SYT1: variants seen among roughly 807,000 people sequenced by gnomAD.
SYT1 encodes the protein synaptotagmin-1.
In SYT1, 8 loss-of-function variants were observed where a neutral mutation model predicts 44.8. The observed-to-expected ratio is 0.18, with a 90% confidence interval of 0.10 to 0.32. The LOEUF is 0.32. Ranked by LOEUF, SYT1 falls within the 10% of genes least tolerant of loss-of-function variation. The pLI, the probability that SYT1 is intolerant of heterozygous loss-of-function variation, is 1.00. For missense variants in SYT1, 286 were observed against 509.3 expected, an observed-to-expected ratio of 0.56 and a Z score of 4.22; for synonymous variants, 154 against 188.8, an observed-to-expected ratio of 0.82 and a Z score of 1.51.
chr12:78,920,869 CA>C (rs1436526414), intron 1 of SYT1, among the ~76,000 whole-genome samples: 1 of 151,764 alleles, frequency 6.6e-6, no homozygotes, highest in Non-Finnish European at 1.5e-5. Context: ...GACAGATTAG[CA>C]GGTTTGTTCA....
At chr12:79,091,991 A>T (rs1411887467) in intron 3 of SYT1, among the ~76,000 whole-genome samples, 1 of 151,988 alleles carries the variant, frequency 6.6e-6, no homozygotes, top group Non-Finnish European at 1.5e-5. Context: ...ATCTCAGATT[A>T]AACTTTTGAA....
chr12:79,260,953 A>G (rs1368145237), intron 4 of SYT1, among the ~76,000 whole-genome samples: 5 of 152,136 alleles, frequency 3.3e-5, no homozygotes, highest in Non-Finnish European at 7.4e-5. Context: ...TACCTGCAGA[A>G]ATCCTGCATG....
intron 2 of SYT1, among the ~76,000 whole-genome samples, chr12:78,994,651 T>C (rs1324298785): frequency 1.3e-5 from 2 of 149,352 alleles, no homozygotes; most frequent in African/African-American, 2.5e-5. Flanking sequence ...TTCTCCTGCC[T>C]CAGCCTCCTG....
intron 3 of SYT1, among the ~76,000 whole-genome samples, chr12:79,205,104 A>G (rs183044283): frequency 9.9e-5 from 15 of 151,822 alleles, no homozygotes; most frequent in African/African-American, 2.7e-4. Context: ...AGCTGGGACT[A>G]CAGGCGCCCA....
chr12:79,361,717 A>C (rs571651581), intron 9 of SYT1, among the ~76,000 whole-genome samples: 1 of 152,212 alleles, frequency 6.6e-6, no homozygotes, highest in Non-Finnish European at 1.5e-5. Flanking sequence ...TTAGTGACTT[A>C]TTCTTCACAC....
intron 1 of SYT1, among the ~76,000 whole-genome samples, chr12:78,947,908 T>G (rs1419804432): frequency 2.6e-5 from 4 of 151,928 alleles, no homozygotes; most frequent in Non-Finnish European, 5.9e-5. Flanking sequence ...TAATAAATAT[T>G]TTATTTTAAT....
chr12:79,328,890 G>GT (rs1435990969), intron 8 of SYT1, among the ~76,000 whole-genome samples: 1 of 151,308 alleles, frequency 6.6e-6, no homozygotes, highest in African/African-American at 2.4e-5. Flanking sequence ...ATAAAACCAT[G>GT]TTTTTTTCTT....
chr12:79,058,015 G>C (rs138738380), intron 3 of SYT1, among the ~76,000 whole-genome samples: 1 of 152,006 alleles, frequency 6.6e-6, no homozygotes, highest in East Asian at 1.9e-4. Flanking sequence ...AAAGAAATGG[G>C]TTTGGACAAT....
chr12:79,245,569 A>G (rs753157784), intron 4 of SYT1, among the ~76,000 whole-genome samples: 2 of 151,890 alleles, frequency 1.3e-5, no homozygotes, highest in Non-Finnish European at 2.9e-5. Flanking sequence ...AACAAGAAAA[A>G]TATAATGGCA....
At chr12:79,096,716 A>G (rs527825378) in intron 3 of SYT1, among the ~76,000 whole-genome samples, 2 of 152,144 alleles carry the variant, frequency 1.3e-5, no homozygotes, top group Middle Eastern at 6.8e-3. Context: ...AAGAATCATG[A>G]AAGATCAGGG....
At chr12:79,041,116 TG>T (rs1424838899) in intron 2 of SYT1, among the ~76,000 whole-genome samples, 4 of 152,132 alleles carry the variant, frequency 2.6e-5, no homozygotes, top group African/African-American at 7.2e-5. Context: ...GGCTCTTTTT[TG>T]GTTCCATATG....
chr12:78,867,612 C>T, intron 1 of SYT1, among the ~76,000 whole-genome samples: 1 of 151,952 alleles, frequency 6.6e-6, no homozygotes, highest in Middle Eastern at 3.4e-3. Context: ...GATAATTATG[C>T]CTCGAGGTAT....
intron 1 of SYT1, among the ~76,000 whole-genome samples, chr12:78,923,917 T>C (rs1462924): frequency 3.7e-4 from 57 of 152,082 alleles, no homozygotes; most frequent in African/African-American, 1.4e-3. Flanking sequence ...CCCAATAATG[T>C]CTTTTATAGC....
intron 4 of SYT1, among the ~76,000 whole-genome samples, chr12:79,285,324 G>A (rs1204254646): frequency 1.3e-5 from 2 of 152,190 alleles, no homozygotes; most frequent in Non-Finnish European, 2.9e-5. Context: ...GCCAGGCACT[G>A]CATCTTATTA....
chr12:78,931,179 A>AAAGAAAGAAAGAAAGAAAGAAAGAAAG (rs1877622006), intron 1 of SYT1, among the ~76,000 whole-genome samples: 1 of 59,844 alleles, frequency 1.7e-5, no homozygotes, highest in Non-Finnish European at 3.0e-5. Context: ...GAAAGAAAGA[A>AAAGAAAGAAAGAAAGAAAGAAAGAAAG]AAAGAAAGAA....
chr12:78,919,627 G>T (rs1162200231), intron 1 of SYT1, among the ~76,000 whole-genome samples: 1 of 151,984 alleles, frequency 6.6e-6, no homozygotes, highest in Non-Finnish European at 1.5e-5. Flanking sequence ...CCAGGGACTT[G>T]CATGTATATT....
At chr12:78,958,177 T>C (rs1051715071) in intron 1 of SYT1, among the ~76,000 whole-genome samples, 2 of 152,122 alleles carry the variant, frequency 1.3e-5, no homozygotes, top group Admixed American at 1.3e-4. Flanking sequence ...GAAGCCCAGG[T>C]AGTTTCAAGC....
intron 4 of SYT1, among the ~76,000 whole-genome samples, chr12:79,242,298 A>T (rs1876562516): frequency 6.6e-6 from 1 of 152,174 alleles, no homozygotes; most frequent in Non-Finnish European, 1.5e-5. Flanking sequence ...GTCCCTTAAC[A>T]AGAAGAGGGT....
At chr12:79,190,657 T>C (rs2138447658) in intron 3 of SYT1, among the ~76,000 whole-genome samples, 1 of 152,316 alleles carries the variant, frequency 6.6e-6, no homozygotes, top group South Asian at 2.1e-4. Flanking sequence ...TCAGCTATTT[T>C]AGACTATATG....
Sources: allele counts gnomAD v4.1 joint callset (sites outside exome capture counted in the v4.1 genomes callset), GRCh38; gene constraint gnomAD v4.1.1; transcripts MANE v1.5; gene names NCBI Gene and HGNC (gene_info 2026-07-23, HGNC 2026-07-21).